The following MARS1 variants were observed in gnomAD, a reference collection of about 807,000 sequenced individuals.
The protein encoded by MARS1 is methionine--tRNA ligase, cytoplasmic.
MARS1 carries 80 observed loss-of-function variants against 119.5 expected under a neutral mutation model. The observed-to-expected ratio is 0.67, with a 90% confidence interval of 0.56 to 0.81. The LOEUF is 0.81. MARS1 is among the 30% of genes least tolerant of loss of function. The pLI is 0.00. For missense variants in MARS1, 945 were observed against 1,116.5 expected, an observed-to-expected ratio of 0.85 and a Z score of 2.19; for synonymous variants, 418 against 433.4, an observed-to-expected ratio of 0.96 and a Z score of 0.44.
chr12:57,512,731 A>T lies in MARS1; in HGVS notation c.1754-20A>T. ...GATGTGATGTGAGCAGATGGTTCTC[A>T]CTCATTCTCCTCTGTCCAGAGTACC... On this transcript the variant is annotated intron_variant, in intron 14 of 20. Transcript: ENST00000262027. 2 of 1,583,818 alleles carry T rather than the reference A, an allele frequency of 1.3e-6. No homozygotes were observed. Among genetic ancestry groups the T allele is most frequent in the Non-Finnish European group, 1.7e-6 (2 of 1,152,694 alleles).
chr12:57,502,193 A>C (rs2140021313), intron 10 of MARS1, among the ~76,000 whole-genome samples: 2 of 152,256 alleles, frequency 1.3e-5, no homozygotes, highest in East Asian at 3.9e-4. Flanking sequence ...ATGCCTTGTA[A>C]GTTTTTGGCC....
chr12:57,504,695 A>ATTTTTTTTTTTTTT (rs34351056), intron 11 of MARS1, among the ~76,000 whole-genome samples: 1 of 83,602 alleles, frequency 1.2e-5, no homozygotes, highest in Non-Finnish European at 2.1e-5. Context: ...TGCCTGACTG[A>ATTTTTTTTTTTTTT]TTTTTTTTTT....
At chr12:57,515,551 T>G (rs1565652581) in intron 18 of MARS1, 5 of 593,194 alleles carry the variant, frequency 8.4e-6, no homozygotes, top group South Asian at 4.2e-5. Context: ...CACACAAAAC[T>G]AACTGGTAAA....
Position 57,511,836 on chromosome 12 carries a change from A to G in MARS1, c.1507A>G (p.Thr503Ala). The G allele has an allele frequency of 3.1e-6, 5 of 1,614,140 alleles. No homozygotes were observed. Among genetic ancestry groups the G allele is most frequent in the Non-Finnish European group, 4.2e-6 (5 of 1,180,022 alleles). ...RCITRDLKWG[T>A]PVPLEGFEDK... The stretch of plus-strand genomic sequence containing the variant: ...CATAACCCGAGACCTCAAATGGGGA[A>G]CCCCTGTACCCTTAGAAGGTTTTGA... Residue 503 changes from threonine (T) to alanine (A), a missense_variant, in exon 12 of 21, where the codon ACC becomes GCC. By Grantham distance (58) the Thr-to-Ala change is moderately conservative (BLOSUM62 0). Transcript: ENST00000262027.
At chr12:57,514,037 T>C (rs1406317504) in intron 15 of MARS1, among the ~76,000 whole-genome samples, 4 of 128,378 alleles carry the variant, frequency 3.1e-5, no homozygotes, top group Non-Finnish European at 6.3e-5. Context: ...TGCTCCAGCC[T>C]GGGCAACAGA....
intron 1 of MARS1, 74 bp from the exon 2 acceptor site, chr12:57,488,945 G>A: frequency 8.3e-7 from 1 of 1,200,900 alleles, no homozygotes. Context: ...ACAATGCAAG[G>A]TTATCCTAAG....
chr12:57,489,855 G>A (rs2139998646), intron 4 of MARS1, 41 bp from the exon 5 acceptor site: 1 of 1,548,504 alleles, frequency 6.5e-7, no homozygotes, highest in South Asian at 1.1e-5. Context: ...GAAACTGAGT[G>A]TCTCATTTGT....
intron 11 of MARS1, among the ~76,000 whole-genome samples, chr12:57,505,717 TG>T (rs1418918676): frequency 6.6e-6 from 1 of 151,974 alleles, no homozygotes; most frequent in African/African-American, 2.4e-5. Context: ...GAGGCTGAGG[TG>T]GGAGGATCAT....
chr12:57,515,154 C>A lies in MARS1; in HGVS notation c.2209C>A (p.Arg737=), dbSNP rs139536122. ...RIKGSEADRQ[R]AGTVTGLAVN... ...CTAATGTCTCCTCTTCCTCAGGCAA[C>A]GGGCAGGAACAGTGACTGGCTTGGC... is the stretch of plus-strand genomic sequence containing the variant. Residue 737 remains arginine (R), a synonymous_variant, in exon 18 of 21, where the codon CGG becomes AGG. Transcript: ENST00000262027. The A allele has an allele frequency of 2.4e-4, 382 of 1,614,178 alleles. No individual in the cohort carries two copies. In the African/African-American group the frequency reaches 4.3e-3, roughly 18 times the overall value.
At chr12:57,511,950 G>C in intron 12 of MARS1, 58 bp from the exon 13 acceptor site, 3 of 1,605,502 alleles carry the variant, frequency 1.9e-6, no homozygotes, top group Non-Finnish European at 2.6e-6. Flanking sequence ...ATTATGTCTT[G>C]TTTCAGTTTG....
chr12:57,488,651 G>A (rs1875662393), intron 1 of MARS1: 2 of 1,550,648 alleles, frequency 1.3e-6, no homozygotes, highest in Non-Finnish European at 1.7e-6. Flanking sequence ...TGACTCTTAG[G>A]AGGTTCTCTT....
intron 1 of MARS1, 87 bp downstream of exon 1, chr12:57,488,286 T>C (rs1385563471): frequency 1.6e-6 from 2 of 1,288,060 alleles, no homozygotes; most frequent in Non-Finnish European, 2.2e-6. Context: ...GCCAAACCCC[T>C]AGCCCTCGCC....
chr12:57,490,119 G>T, intron 5 of MARS1, 88 bp from the exon 6 acceptor site: 1 of 1,502,186 alleles, frequency 6.7e-7, no homozygotes, highest in Non-Finnish European at 9.2e-7. Context: ...AAAGCAACTG[G>T]AGAAACCTCA....
At chr12:57,493,807 A>ATTATATAACATAAATATATATTATAT (rs1565641183) in intron 7 of MARS1, among the ~76,000 whole-genome samples, 41 of 1,802 alleles carry the variant, frequency 0.023, no homozygotes, top group Non-Finnish European at 0.068. Flanking sequence ...TATATTATAT[A>ATTATATAACATAAATATATATTATAT]ATGTATATTA....
In MARS1 at chr12:57,493,807, A is replaced by ATTATAT. The variant is rs1565641183; in HGVS notation, c.770+3163_770+3164insTTATAT. On this transcript the variant is annotated intron_variant, in intron 7 of 20. Coordinates refer to ENST00000262027, the MANE Select transcript of MARS1 (RefSeq NM_004990.4). ...TTATATATTATATATTATATTATAT[A>ATTATAT]ATGTATATTATATATATTATATTAT... is the stretch of plus-strand genomic sequence containing the variant. Among the ~76,000 whole-genome samples the ATTATAT allele has an allele frequency of 3.8e-3, 7 of 1,824 alleles. 1 individual carries two copies. The highest frequency in any genetic ancestry group is 0.012 in the Non-Finnish European group (7 of 586). 1.2% of individuals were successfully genotyped at this position (1,824 alleles called of 152,430 possible).
At chr12:57,495,602 G>A (rs1343591131) in intron 7 of MARS1, among the ~76,000 whole-genome samples, 2 of 152,186 alleles carry the variant, frequency 1.3e-5, no homozygotes, top group Admixed American at 6.5e-5. Flanking sequence ...ACGGGGTGGC[G>A]GCCGGGCAGA....
chr12:57,514,987 A>G lies in MARS1; in HGVS notation c.2133A>G (p.Ile711Met). The stretch of plus-strand genomic sequence containing the variant: ...ATGCCTTGCGCAGTATCCTCACCAT[A>G]TCTCGACATGGCAACCAATATATTC... ...IRDALRSILT[I>M]SRHGNQYIQV... Residue 711 changes from isoleucine to methionine, a missense_variant, in exon 17 of 21, where the codon ATA (isoleucine) becomes ATG (methionine). Coordinates refer to ENST00000262027, the MANE Select transcript of MARS1 (RefSeq NM_004990.4). 6.2e-7 allele frequency: 1 copy of G among 1,614,092 alleles called. No homozygotes were observed. The highest frequency in any genetic ancestry group is 8.5e-7 in the Non-Finnish European group (1 of 1,180,006).
At position 57,516,472 on chromosome 12, in the gene MARS1, A is replaced by G. The variant is rs776501706; in HGVS notation, c.2594A>G (p.Asp865Gly). ...IVRELKAQKA[D>G]KNEVAAEVAK... ...CGAGAACTGAAAGCACAAAAGGCAG[A>G]CAAGAACGAGGTTGCTGCGGAGGTG... Residue 865 changes from aspartate (D) to glycine (G), a missense_variant, in exon 21 of 21, where the codon GAC becomes GGC. Asp to Gly is a moderately conservative substitution (Grantham distance 94). Coordinates refer to ENST00000262027, the MANE Select transcript of MARS1 (RefSeq NM_004990.4). 1 of 1,613,822 alleles carries G rather than the reference A, an allele frequency of 6.2e-7. No individual in the cohort carries two copies. The highest frequency in any genetic ancestry group is 8.5e-7 in the Non-Finnish European group (1 of 1,179,950).
chr12:57,505,607 T>G (rs550098096), intron 11 of MARS1, among the ~76,000 whole-genome samples: 1 of 152,090 alleles, frequency 6.6e-6, no homozygotes, highest in African/African-American at 2.4e-5. Context: ...TGCCAGGAGT[T>G]GGAGACCAGC....
Sources: allele counts gnomAD v4.1 joint callset (sites outside exome capture counted in the v4.1 genomes callset), GRCh38; gene constraint gnomAD v4.1.1; transcripts MANE v1.5; gene names NCBI Gene and HGNC (gene_info 2026-07-23, HGNC 2026-07-21).